Variants in HMCN1 observed in about 807,000 individuals in gnomAD.
HMCN1 encodes hemicentin 1, also known as hemicentin-1.
HMCN1 carries 321 observed loss-of-function variants against 625.9 expected under a neutral mutation model. That is an observed-to-expected ratio of 0.51 (90% CI 0.47 to 0.56). The LOEUF (loss-of-function observed/expected upper bound fraction) is 0.56, where lower values mean the gene tolerates loss of function less well. Among genes scored for constraint, HMCN1 ranks in the 20% least tolerant of loss-of-function variants. The pLI is 0.00. For synonymous variants in HMCN1, 2,425 were observed against 2,417.6 expected (o/e 1.00, Z -0.09); for missense variants, 6,588 against 6,887.3 (o/e 0.96, Z 1.54).
intron 14 of HMCN1, 124 bp from the exon 15 acceptor site, chr1:185,970,210 GC>G: frequency 1.2e-6 from 1 of 859,312 alleles, no homozygotes; most frequent in Non-Finnish European, 2.0e-6. Context: ...TCTATGTTGT[GC>G]CAAACACTTG....
chr1:185,932,931 A>T (rs561302424), intron 10 of HMCN1, among the ~76,000 whole-genome samples: 1 of 152,276 alleles, frequency 6.6e-6, no homozygotes, highest in African/African-American at 2.4e-5. Flanking sequence ...TTGGCCTTTG[A>T]CCATATCTGA....
chr1:185,943,589 C>T (rs1668190630), intron 11 of HMCN1, among the ~76,000 whole-genome samples: 2 of 152,136 alleles, frequency 1.3e-5, no homozygotes, highest in South Asian at 4.2e-4. Context: ...AGGTGGGCAG[C>T]ATGGAACTTT....
chr1:186,078,292 TG>T (rs1247022485), intron 55 of HMCN1, 72 bp downstream of exon 55: 1 of 1,071,592 alleles, frequency 9.3e-7, no homozygotes, highest in Non-Finnish European at 1.4e-6. Context: ...GTTTGCAGGA[TG>T]TTACACTAAG....
chr1:186,115,108 T>G, intron 74 of HMCN1, 150 bp from the exon 75 acceptor site: 1 of 1,326,404 alleles, frequency 7.5e-7, no homozygotes, highest in East Asian at 2.3e-5. Flanking sequence ...ATAGTTAATA[T>G]CATCACAGCA....
chr1:185,791,572 A>G (rs1182232465), intron 1 of HMCN1, among the ~76,000 whole-genome samples: 11 of 151,848 alleles, frequency 7.2e-5, no homozygotes, highest in Admixed American at 7.2e-4. Flanking sequence ...ATACAAAAAA[A>G]TTAGCTGGGC....
chr1:185,846,047 C>T lies in HMCN1; in HGVS notation c.290C>T (p.Thr97Ile), dbSNP rs1361744769. Residue 97 changes from threonine to isoleucine, a missense_variant, in exon 2 of 107, where the codon ACC (threonine) becomes ATC (isoleucine). Around this residue, in one of 3 missense-constraint regions of HMCN1, gnomAD observed 4,628 missense variants for 4,853.1 expected, o/e 0.95. Coordinates refer to ENST00000271588, the MANE Select transcript of HMCN1 (RefSeq NM_031935.3). ...ACAGAAATTGGCCCAGTGACAATTA[C>T]CACAGATCCCAAGAAATTTCAATAT... ...HDPEIGPVTI[T>I]TDPKKFQYEL... The T allele has an allele frequency of 6.2e-7, 1 of 1,611,510 alleles. No homozygotes were observed. The highest frequency in any genetic ancestry group is 1.7e-5 in the Admixed American group (1 of 59,992).
At chr1:185,761,298 G>T (rs1019930267) in intron 1 of HMCN1, among the ~76,000 whole-genome samples, 1 of 152,158 alleles carries the variant, frequency 6.6e-6, no homozygotes, top group South Asian at 2.1e-4. Flanking sequence ...TTTGGTTGAG[G>T]TCTGAGCTTC....
chr1:186,021,899 A>G (rs575446548), intron 35 of HMCN1, among the ~76,000 whole-genome samples: 1 of 152,250 alleles, frequency 6.6e-6, no homozygotes, highest in Admixed American at 6.6e-5. Flanking sequence ...AGAAGCTATT[A>G]TAATCCCACA....
At chr1:186,172,262 C>T (rs1652280903) in intron 102 of HMCN1, 131 bp downstream of exon 102, 1 of 1,249,756 alleles carries the variant, frequency 8.0e-7, no homozygotes, top group Admixed American at 1.7e-5. Flanking sequence ...CATAAGTACT[C>T]CCAACTTCTA....
intron 89 of HMCN1, among the ~76,000 whole-genome samples, chr1:186,142,609 C>T (rs191452860): frequency 6.6e-6 from 1 of 152,236 alleles, no homozygotes; most frequent in East Asian, 1.9e-4. Context: ...TTTATGCCAA[C>T]TCCAGTTTAT....
chr1:186,011,023 A>G (rs1323886422), intron 30 of HMCN1, among the ~76,000 whole-genome samples: 1 of 128,900 alleles, frequency 7.8e-6, no homozygotes, highest in African/African-American at 3.0e-5. Flanking sequence ...GCAAATGTTC[A>G]TCTGCTACTG....
intron 100 of HMCN1, among the ~76,000 whole-genome samples, chr1:186,170,979 G>A (rs1213125507): frequency 6.6e-6 from 1 of 152,194 alleles, no homozygotes; most frequent in East Asian, 1.9e-4. Flanking sequence ...CCTTAGTGTT[G>A]TTGGAGTTTT....
intron 6 of HMCN1, among the ~76,000 whole-genome samples, chr1:185,917,239 A>G (rs1251615966): frequency 6.6e-6 from 1 of 152,180 alleles, no homozygotes; most frequent in Non-Finnish European, 1.5e-5. Context: ...TTCCTAACTG[A>G]AAAGGTACTC....
In HMCN1 at chr1:186,116,776, C is replaced by A. The variant is rs182781400; in HGVS notation, c.11562-218C>A. Among the ~76,000 whole-genome samples, 943 of 152,158 alleles carry A rather than the reference C, an allele frequency of 6.2e-3. 7 individuals are homozygous for A. Among genetic ancestry groups the A allele is most frequent in the Non-Finnish European group, 9.5e-3 (646 of 67,982 alleles). On this transcript the variant is annotated intron_variant, in intron 75 of 106. Transcript: ENST00000271588. ...CAGACAATCCTTCCCACAATTACTT[C>A]CTGTAAATATTATATCAAGTTTGAG...
At chr1:186,073,747 G>A (rs926813297) in intron 52 of HMCN1, among the ~76,000 whole-genome samples, 1 of 150,764 alleles carries the variant, frequency 6.6e-6, no homozygotes, top group Admixed American at 6.6e-5. Flanking sequence ...GAGTGGCAGT[G>A]AAAATATTGC....
chr1:186,144,197 A>C lies in HMCN1; in HGVS notation c.13949A>C (p.Gln4650Pro), dbSNP rs1357910353. ...CPVHGAWSAW[Q>P]PWGTCSESCG... ...GTTCATGGAGCATGGAGCGCTTGGC[A>C]GCCTTGGGGAACATGCAGCGAAAGT... Residue 4650 changes from glutamine to proline, a missense_variant, in exon 90 of 107, where the codon CAG becomes CCG. This residue lies in a region of HMCN1 where 1,954 missense variants were observed against 2,013.1 expected (regional missense o/e 0.97). Coordinates refer to ENST00000271588, the MANE Select transcript of HMCN1 (RefSeq NM_031935.3). The C allele has an allele frequency of 2.5e-6, 4 of 1,608,564 alleles. No homozygotes were observed. Among genetic ancestry groups the C allele is most frequent in the Non-Finnish European group, 3.4e-6 (4 of 1,177,064 alleles).
At chr1:186,110,256 G>C (rs563132267) in intron 71 of HMCN1, among the ~76,000 whole-genome samples, 2 of 152,212 alleles carry the variant, frequency 1.3e-5, no homozygotes, top group Admixed American at 6.5e-5. Context: ...GTTTGTAGGA[G>C]GTTGACTAGA....
chr1:186,158,502 T>C (rs1253005258), intron 97 of HMCN1, among the ~76,000 whole-genome samples: 1 of 152,240 alleles, frequency 6.6e-6, no homozygotes, highest in East Asian at 1.9e-4. Context: ...AGACATGAAG[T>C]CCTTGCCTGT....
intron 41 of HMCN1, 81 bp from the exon 42 acceptor site, chr1:186,048,660 AAG>A: frequency 1.2e-6 from 1 of 839,084 alleles, no homozygotes. Flanking sequence ...GAATAAAAAT[AAG>A]AAATAGATCA....
Sources: gnomAD v4.1 joint callset for allele counts (sites outside exome capture counted in the v4.1 genomes callset) on GRCh38, gnomAD v4.1.1 for gene constraint, gnomAD v4.1.1 regional missense constraint, MANE v1.5 for transcripts, NCBI Gene and HGNC (gene_info 2026-07-23, HGNC 2026-07-21) for gene names.